The following MYO10 variants were observed in gnomAD, a reference collection of about 807,000 sequenced individuals.
The protein encoded by MYO10 is unconventional myosin-X.
In MYO10, 133 loss-of-function variants were observed where a neutral mutation model predicts 257.3. The ratio of observed to expected loss-of-function variants is 0.52; its 90% CI spans 0.45 to 0.60. MYO10 has a LOEUF of 0.60. Among genes scored for constraint, MYO10 ranks in the 20% least tolerant of loss-of-function variants. The pLI, the probability that MYO10 is intolerant of heterozygous loss-of-function variation, is 0.00. For missense variants in MYO10, 2,399 were observed against 2,635.7 expected, an observed-to-expected ratio of 0.91 and a Z score of 1.97; for synonymous variants, 1,104 against 1,028.6, an observed-to-expected ratio of 1.07 and a Z score of -1.40.
chr5:16,783,332 T>A lies in MYO10; in HGVS notation c.602+3A>T, dbSNP rs1419996626. 1 of 1,476,424 alleles carries A rather than the reference T, an allele frequency of 6.8e-7. No individual in the cohort carries two copies. Among genetic ancestry groups the A allele is most frequent in the Non-Finnish European group, 9.1e-7 (1 of 1,094,814 alleles). The allele number at this position is 1,476,424 out of a possible 1,614,324, so 91.5% of individuals were successfully genotyped here. On this transcript the variant is annotated splice_donor_region_variant and intron_variant, in intron 5 of 40. Coordinates refer to ENST00000513610, the MANE Select transcript of MYO10 (RefSeq NM_012334.3). ...AGTTGGAAACAAGAAAATCAATAAA[T>A]ACCTGCTTTCAAGAATAGCTCGTTC...
intron 1 of MYO10, among the ~76,000 whole-genome samples, chr5:16,896,542 G>A (rs539774931): frequency 1.3e-5 from 2 of 152,200 alleles, no homozygotes; most frequent in East Asian, 1.9e-4. Context: ...GCAGTGAGCC[G>A]AGATCGTGCC....
intron 2 of MYO10, among the ~76,000 whole-genome samples, chr5:16,866,459 G>A (rs1327663757): frequency 1.3e-5 from 2 of 152,150 alleles, no homozygotes; most frequent in Non-Finnish European, 2.9e-5. Flanking sequence ...CTATTAGGCT[G>A]AACCATATGT....
At chr5:16,868,866 T>C (rs989959015) in intron 2 of MYO10, among the ~76,000 whole-genome samples, 1 of 152,228 alleles carries the variant, frequency 6.6e-6, no homozygotes, top group Non-Finnish European at 1.5e-5. Flanking sequence ...TATCAACCTA[T>C]AGTAGTTTAA....
chr5:16,933,753 T>C (rs1746359688), intron 1 of MYO10, among the ~76,000 whole-genome samples: 1 of 152,202 alleles, frequency 6.6e-6, no homozygotes. Context: ...CTACAATTAA[T>C]ACCTCACTAT....
Position 16,816,905 on chromosome 5 carries a change from T to G in MYO10, c.279+1104A>C, listed in dbSNP as rs370085020. ...CGCGATCTTGGCTCACTGCAACCTC[T>G]GCCTCCCGGGTTCAAGCAATTCTCC... On this transcript the variant is annotated intron_variant, in intron 3 of 40. Transcript: ENST00000513610. Among the ~76,000 whole-genome samples, 122 of 146,918 alleles carry G rather than the reference T, an allele frequency of 8.3e-4. 2 individuals are homozygous for G. Among genetic ancestry groups the G allele is most frequent in the African/African-American group, 2.7e-3 (108 of 39,702 alleles).
At chr5:16,920,337 T>C (rs907426355) in intron 1 of MYO10, among the ~76,000 whole-genome samples, 1 of 152,122 alleles carries the variant, frequency 6.6e-6, no homozygotes, top group Admixed American at 6.5e-5. Context: ...TATTACTTAA[T>C]AATAAAAAAG....
At position 16,889,065 on chromosome 5, in the gene MYO10, C is replaced by T. The variant is rs527907944; in HGVS notation, c.22-11358G>A. Among the ~76,000 whole-genome samples the T allele has an allele frequency of 1.1e-4, 17 of 151,572 alleles. 1 individual carries two copies. The highest frequency in any genetic ancestry group is 3.4e-3 in the Middle Eastern group (1 of 290). ...GCACATGCCTGTAGTCCCAACTACT[C>T]AGCAGGCTGAGGTGGGAGGATGGCT... is the stretch of plus-strand genomic sequence containing the variant. On this transcript the variant is annotated intron_variant, in intron 1 of 40. Coordinates refer to ENST00000513610, the MANE Select transcript of MYO10 (RefSeq NM_012334.3).
intron 1 of MYO10, among the ~76,000 whole-genome samples, chr5:16,913,102 A>T (rs1372747561): frequency 1.3e-5 from 2 of 152,178 alleles, no homozygotes; most frequent in East Asian, 3.8e-4. Context: ...CATCAAACAC[A>T]AAAATAAACC....
chr5:16,721,665 G>A (rs889259090), intron 19 of MYO10, among the ~76,000 whole-genome samples: 4 of 152,114 alleles, frequency 2.6e-5, no homozygotes, highest in African/African-American at 7.2e-5. Context: ...CACTCACCAA[G>A]TACAACCTTC....
chr5:16,914,158 C>T (rs1161119703), intron 1 of MYO10, among the ~76,000 whole-genome samples: 1 of 152,140 alleles, frequency 6.6e-6, no homozygotes, highest in Non-Finnish European at 1.5e-5. Flanking sequence ...TTCAAGGTGG[C>T]ATTTCTTCCT....
intron 1 of MYO10, among the ~76,000 whole-genome samples, chr5:16,880,998 C>A (rs777503110): frequency 5.9e-5 from 9 of 152,156 alleles, no homozygotes; most frequent in African/African-American, 9.7e-5. Flanking sequence ...CACACATACA[C>A]GCCCATGCTC....
In MYO10 at chr5:16,683,864, C is replaced by T; in HGVS notation, c.4046+16G>A. 6.2e-7 allele frequency: 1 copy of T among 1,613,350 alleles called. No homozygotes were observed. The highest frequency in any genetic ancestry group is 8.5e-7 in the Non-Finnish European group (1 of 1,179,602). ...GGTGATGAGCTGTTTTTGTTAAGAG[C>T]CACATCTGAGCTTACCTATCAGGGC... On this transcript the variant is annotated intron_variant, in intron 30 of 40. Coordinates refer to ENST00000513610, the MANE Select transcript of MYO10 (RefSeq NM_012334.3).
rs1268567212 is a variant in MYO10 at position 16,711,241 on chromosome 5, G to A, written c.1934C>T (p.Pro645Leu). ...RCIKPNMQKMPDQFDQAVVLN... is the reference protein window; with the variant it reads ...RCIKPNMQKMLDQFDQAVVLN... ...CACAACCGCCTGGTCAAACTGGTCTGGCATCTAAACCATGCAAAAAAAAAA... is the reference window on the plus strand; with the variant it reads ...CACAACCGCCTGGTCAAACTGGTCTAGCATCTAAACCATGCAAAAAAAAAA... The change falls in exon 20 of 41, where the codon CCA (proline) becomes CTA (leucine). Residue 645 changes from proline to leucine, a missense_variant. Coordinates refer to ENST00000513610, the MANE Select transcript of MYO10 (RefSeq NM_012334.3). The A allele has an allele frequency of 1.9e-6, 3 of 1,583,352 alleles. No individual in the cohort carries two copies. Among genetic ancestry groups the A allele is most frequent in the South Asian group, 1.1e-5 (1 of 89,412 alleles).
chr5:16,873,012 C>T (rs55672502), intron 2 of MYO10, among the ~76,000 whole-genome samples: 5,640 of 152,190 alleles, frequency 0.037, 243 homozygotes, highest in East Asian at 0.19. Context: ...CATTTCAAAA[C>T]CAATCATGCC....
intron 2 of MYO10, among the ~76,000 whole-genome samples, chr5:16,831,968 G>C (rs1473311297): frequency 6.6e-6 from 1 of 152,042 alleles, no homozygotes. Flanking sequence ...TTTTGAGACA[G>C]GTCTCACTTT....
At chr5:16,678,120 A>T (rs1736820865) in intron 33 of MYO10, among the ~76,000 whole-genome samples, 1 of 152,236 alleles carries the variant, frequency 6.6e-6, no homozygotes, top group South Asian at 2.1e-4. Flanking sequence ...AAAAACAGGT[A>T]AGTTCCAGCA....
rs141683404 is a variant in MYO10 at position 16,836,743 on chromosome 5, G to A, written c.121-18576C>T. Among the ~76,000 whole-genome samples, 172 of 152,320 alleles carry A rather than the reference G, an allele frequency of 1.1e-3. 1 individual carries two copies. Among genetic ancestry groups the A allele is most frequent in the African/African-American group, 4.1e-3 (170 of 41,560 alleles). On this transcript the variant is annotated intron_variant, in intron 2 of 40. Transcript: ENST00000513610. Reference sequence around the variant, plus strand: ...AATATATATGAGTTAACTCATGGCTGGTGGGAATGTAAAATGGTGCAGACG... The same window carrying A: ...AATATATATGAGTTAACTCATGGCTAGTGGGAATGTAAAATGGTGCAGACG...
At position 16,902,490 on chromosome 5, in the gene MYO10, C is replaced by G; in HGVS notation, c.22-24783G>C. On this transcript the variant is annotated intron_variant, in intron 1 of 40. Coordinates refer to ENST00000513610, the MANE Select transcript of MYO10 (RefSeq NM_012334.3). ...GAAGACGCTCGCTTCAGACATGTCC[C>G]TGACTGCTGCGGCCTCCACTATGTT... 3.9e-6 allele frequency: 6 copies of G among 1,545,684 alleles called. No individual in the cohort carries two copies. In the South Asian group the frequency reaches 6.7e-5, roughly 17 times the overall value.
In MYO10 at chr5:16,917,055, A is replaced by G. The variant is rs538551420; in HGVS notation, c.21+18733T>C. ...AAGTTGAGAAGGCCTAGAAATAAAAATGGCTTAATATCCCAACTATTAACC... is the reference window on the plus strand; with the variant it reads ...AAGTTGAGAAGGCCTAGAAATAAAAGTGGCTTAATATCCCAACTATTAACC... On this transcript the variant is annotated intron_variant, in intron 1 of 40. Coordinates refer to ENST00000513610, the MANE Select transcript of MYO10 (RefSeq NM_012334.3). 1.8e-4 allele frequency among the ~76,000 whole-genome samples: 28 copies of G among 152,340 alleles called. No homozygotes were observed. In the South Asian group the frequency reaches 1.9e-3, roughly 10 times the overall value.
Sources: allele counts gnomAD v4.1 joint callset (sites outside exome capture counted in the v4.1 genomes callset), GRCh38; gene constraint gnomAD v4.1.1; transcripts MANE v1.5; gene names NCBI Gene and HGNC (gene_info 2026-07-23, HGNC 2026-07-21).